EXOC6B: variants seen among roughly 807,000 people sequenced by gnomAD.
EXOC6B encodes the protein SEC15 homolog B.
Under a neutral mutation model 113.5 loss-of-function variants are expected in EXOC6B, and 54 were observed. The ratio of observed to expected loss-of-function variants is 0.48; its 90% CI spans 0.38 to 0.60. The LOEUF is 0.60. Ranked by LOEUF, EXOC6B falls within the 20% of genes least tolerant of loss-of-function variation. EXOC6B has a pLI of 0.00. For synonymous variants in EXOC6B, 357 were observed against 339.0 expected, an observed-to-expected ratio of 1.05 and a Z score of -0.58; for missense variants, 797 against 977.5, an observed-to-expected ratio of 0.82 and a Z score of 2.46.
At chr2:72,199,543 C>G (rs1321705265) in intron 20 of EXOC6B, among the ~76,000 whole-genome samples, 1 of 152,134 alleles carries the variant, frequency 6.6e-6, no homozygotes, top group Non-Finnish European at 1.5e-5. Context: ...AGTTAATGCT[C>G]AAAGAAACAG....
intron 8 of EXOC6B, among the ~76,000 whole-genome samples, chr2:72,544,228 T>G (rs1217165669): frequency 1.3e-5 from 2 of 152,118 alleles, no homozygotes; most frequent in African/African-American, 2.4e-5. Flanking sequence ...AAAACTAAAT[T>G]TCAAGGCAGA....
intron 6 of EXOC6B, among the ~76,000 whole-genome samples, chr2:72,674,134 T>C (rs947544892): frequency 1.3e-4 from 20 of 152,218 alleles, no homozygotes; most frequent in Admixed American, 1.2e-3. Flanking sequence ...AAGGTTTCTG[T>C]CACCACTTTG....
At chr2:72,379,694 A>G (rs1423740607) in intron 19 of EXOC6B, 35 bp downstream of exon 19, 1 of 1,552,342 alleles carries the variant, frequency 6.4e-7, no homozygotes, top group East Asian at 2.3e-5. Flanking sequence ...GTTTGCTGGT[A>G]AGATAAACAA....
At chr2:72,657,229 T>TC (rs1184011850) in intron 6 of EXOC6B, among the ~76,000 whole-genome samples, 1 of 148,022 alleles carries the variant, frequency 6.8e-6, no homozygotes, top group East Asian at 2.0e-4. Flanking sequence ...AACTGTCTTT[T>TC]TTTTTTTTTT....
At chr2:72,487,642 A>G (rs1699509009) in intron 16 of EXOC6B, among the ~76,000 whole-genome samples, 1 of 152,204 alleles carries the variant, frequency 6.6e-6, no homozygotes, top group Non-Finnish European at 1.5e-5. Context: ...CACAGGCGTG[A>G]GCCACTGTGC....
At chr2:72,443,644 C>A (rs979918988) in intron 18 of EXOC6B, among the ~76,000 whole-genome samples, 28 of 152,144 alleles carry the variant, frequency 1.8e-4, no homozygotes, top group African/African-American at 6.8e-4. Flanking sequence ...GGGGAGCCCT[C>A]ACAATCATGG....
At chr2:72,736,889 G>A (rs1297634123) in intron 2 of EXOC6B, among the ~76,000 whole-genome samples, 12 of 152,080 alleles carry the variant, frequency 7.9e-5, no homozygotes, top group Non-Finnish European at 1.8e-4. Flanking sequence ...GGATGGCTAG[G>A]TGAGGACAAA....
intron 1 of EXOC6B, among the ~76,000 whole-genome samples, chr2:72,747,466 G>T (rs1207115494): frequency 1.3e-5 from 2 of 151,958 alleles, no homozygotes; most frequent in African/African-American, 4.8e-5. Flanking sequence ...TCTTAGAATG[G>T]CAAAGGGGAA....
intron 18 of EXOC6B, among the ~76,000 whole-genome samples, chr2:72,402,068 G>C (rs1391311992): frequency 6.6e-6 from 1 of 151,588 alleles, no homozygotes; most frequent in Admixed American, 6.6e-5. Flanking sequence ...AAAATTTTAA[G>C]AATTTGTGTT....
At chr2:72,264,554 A>C (rs1315676817) in intron 20 of EXOC6B, among the ~76,000 whole-genome samples, 1 of 152,082 alleles carries the variant, frequency 6.6e-6, no homozygotes. Flanking sequence ...CTAGGTGACG[A>C]GCGAAATTCT....
At chr2:72,634,355 CTAA>C (rs1289588445) in intron 6 of EXOC6B, among the ~76,000 whole-genome samples, 1 of 152,194 alleles carries the variant, frequency 6.6e-6, no homozygotes, top group Non-Finnish European at 1.5e-5. Context: ...CCTCTTCCCG[CTAA>C]GTACAACTAA....
intron 19 of EXOC6B, among the ~76,000 whole-genome samples, chr2:72,344,545 T>A (rs1689212256): frequency 6.6e-6 from 1 of 152,160 alleles, no homozygotes; most frequent in Non-Finnish European, 1.5e-5. Flanking sequence ...TCTAATAATG[T>A]GGCAACTTTG....
intron 6 of EXOC6B, among the ~76,000 whole-genome samples, chr2:72,668,048 G>A (rs1573587664): frequency 1.3e-5 from 2 of 152,274 alleles, no homozygotes; most frequent in South Asian, 4.2e-4. Context: ...GTAAAAGTGG[G>A]CAAAGGACAT....
At chr2:72,240,581 G>A (rs923380833) in intron 20 of EXOC6B, among the ~76,000 whole-genome samples, 2 of 152,128 alleles carry the variant, frequency 1.3e-5, no homozygotes, top group Admixed American at 6.5e-5. Context: ...AAATTAAAAG[G>A]ATGAGGTTGT....
chr2:72,782,605 G>T (rs1260511624), intron 1 of EXOC6B, among the ~76,000 whole-genome samples: 1 of 152,076 alleles, frequency 6.6e-6, no homozygotes, highest in East Asian at 1.9e-4. Context: ...ACCCTACTCT[G>T]CTATAGAACA....
At chr2:72,428,861 G>A (rs1405504713) in intron 18 of EXOC6B, among the ~76,000 whole-genome samples, 3 of 152,170 alleles carry the variant, frequency 2.0e-5, no homozygotes, top group East Asian at 1.9e-4. Context: ...TTTTCAGAGA[G>A]CATTTCAAGA....
chr2:72,798,557 A>AGT (rs1235618843), intron 1 of EXOC6B, among the ~76,000 whole-genome samples: 1 of 152,218 alleles, frequency 6.6e-6, no homozygotes, highest in Admixed American at 6.5e-5. Context: ...AGAGAAAAGA[A>AGT]GTATATATAC....
At chr2:72,445,934 C>T (rs1427820753) in intron 18 of EXOC6B, among the ~76,000 whole-genome samples, 1 of 152,118 alleles carries the variant, frequency 6.6e-6, no homozygotes, top group African/African-American at 2.4e-5. Context: ...ATCAAAATCG[C>T]AAGGAGATAC....
At chr2:72,316,774 C>A (rs941592954) in intron 20 of EXOC6B, among the ~76,000 whole-genome samples, 4 of 152,138 alleles carry the variant, frequency 2.6e-5, no homozygotes, top group African/African-American at 4.8e-5. Context: ...CAAGTAATTA[C>A]AAGAGCATTT....
Sources: gnomAD v4.1 joint callset for allele counts (sites outside exome capture counted in the v4.1 genomes callset) on GRCh38, gnomAD v4.1.1 for gene constraint, MANE v1.5 for transcripts, NCBI Gene and HGNC (gene_info 2026-07-23, HGNC 2026-07-21) for gene names.